The following THRB variants were observed in gnomAD, a reference collection of about 807,000 sequenced individuals.
The protein encoded by THRB is nuclear receptor subfamily 1 group A member 2.
THRB carries 12 observed loss-of-function variants against 47.8 expected under a neutral mutation model. That is an observed-to-expected ratio of 0.25 (90% CI 0.16 to 0.41). THRB has a LOEUF of 0.41. Ranked by LOEUF, THRB falls within the 10% of genes least tolerant of loss-of-function variation. THRB has a pLI of 1.00. For synonymous variants in THRB, 218 were observed against 212.2 expected (o/e 1.03, Z -0.24); for missense variants, 348 against 589.2 (o/e 0.59, Z 4.24).
chr3:24,466,856 C>G (rs936833502), intron 1 of THRB, among the ~76,000 whole-genome samples: 1 of 152,160 alleles, frequency 6.6e-6, no homozygotes, highest in Non-Finnish European at 1.5e-5. Context: ...GCTAACTGAT[C>G]AGGGTGATGG....
intron 1 of THRB, among the ~76,000 whole-genome samples, chr3:24,420,333 TCCA>T (rs2069122400): frequency 6.6e-6 from 1 of 151,952 alleles, no homozygotes; most frequent in African/African-American, 2.4e-5. Flanking sequence ...AGGACACATG[TCCA>T]CGTAGTCCAG....
rs967290220 is a variant in THRB, at chr3:24,271,100, A to T, written c.-43+26126T>A. Among the ~76,000 whole-genome samples the T allele has an allele frequency of 2.6e-5, 4 of 152,302 alleles. No individual in the cohort carries two copies. The East Asian group carries it at 5.8e-4, about 22-fold the overall frequency. ...TTTCTCAGACAAAATTTTTTACTGG[A>T]TATTTTCGTTGAGGATAGAAAGGCA... is the stretch of plus-strand genomic sequence containing the variant. On this transcript the variant is annotated intron_variant, in intron 3 of 10. Transcript: ENST00000646209.
intron 1 of THRB, among the ~76,000 whole-genome samples, chr3:24,419,722 T>C (rs1264444001): frequency 6.6e-6 from 1 of 151,974 alleles, no homozygotes; most frequent in Admixed American, 6.6e-5. Context: ...GTCATATTTA[T>C]ATATCACATC....
chr3:24,133,473 G>A lies in THRB; in HGVS notation c.739-11C>T. On this transcript the variant is annotated splice_polypyrimidine_tract_variant and intron_variant, in intron 8 of 10. Coordinates refer to ENST00000646209, the MANE Select transcript of THRB (RefSeq NM_001354712.2). Reference sequence around the variant, plus strand: ...TCCAATGTCTTCTGGCTAAGGAGGAGAAAAAAGAAAGATTTAAATGAAGAA... The same window carrying A: ...TCCAATGTCTTCTGGCTAAGGAGGAAAAAAAAGAAAGATTTAAATGAAGAA... 3 of 1,613,512 alleles carry A rather than the reference G, an allele frequency of 1.9e-6. No homozygotes were observed. The highest frequency in any genetic ancestry group is 2.5e-6 in the Non-Finnish European group (3 of 1,179,532).
chr3:24,345,028 A>G (rs2149488332), intron 1 of THRB, among the ~76,000 whole-genome samples: 1 of 152,290 alleles, frequency 6.6e-6, no homozygotes, highest in Middle Eastern at 3.4e-3. Context: ...GATGAAGCCA[A>G]GGTTTGCTGA....
At chr3:24,436,282 G>A (rs572368661) in intron 1 of THRB, among the ~76,000 whole-genome samples, 2 of 151,868 alleles carry the variant, frequency 1.3e-5, no homozygotes, top group South Asian at 4.1e-4. Flanking sequence ...GAGTTACAGA[G>A]AGGAAAGCCC....
In THRB at chr3:24,313,009, T is replaced by C. The variant is rs139977318; in HGVS notation, c.-188-15638A>G. Among the ~76,000 whole-genome samples the C allele has an allele frequency of 4.1e-3, 628 of 152,258 alleles. 5 individuals are homozygous for C. The highest frequency in any genetic ancestry group is 6.4e-3 in the Non-Finnish European group (435 of 68,018). On this transcript the variant is annotated intron_variant, in intron 2 of 10. Coordinates refer to ENST00000646209, the MANE Select transcript of THRB (RefSeq NM_001354712.2). ...TGGGAGTGTGCAGACTCAGGATCTATTTTGGAGGCAGAATAGGTAGGAGTT... is the reference window on the plus strand; with the variant it reads ...TGGGAGTGTGCAGACTCAGGATCTACTTTGGAGGCAGAATAGGTAGGAGTT...
chr3:24,495,426 C>G (rs1315332676), upstream of THRB: 3 of 153,452 alleles, frequency 2.0e-5, no homozygotes, highest in African/African-American at 7.2e-5. Context: ...CGACCCCGAC[C>G]CCGAGTCCTA....
intron 1 of THRB, among the ~76,000 whole-genome samples, chr3:24,427,068 C>T (rs1305419671): frequency 6.6e-6 from 1 of 151,926 alleles, no homozygotes; most frequent in East Asian, 1.9e-4. Context: ...TCCTTCCATT[C>T]ATCATTGACA....
chr3:24,409,966 G>A (rs941015128), intron 1 of THRB, among the ~76,000 whole-genome samples: 1 of 151,784 alleles, frequency 6.6e-6, no homozygotes, highest in African/African-American at 2.4e-5. Flanking sequence ...CTTTGATGAG[G>A]TGAGGTAAAT....
intron 5 of THRB, among the ~76,000 whole-genome samples, chr3:24,186,773 C>G (rs1402042819): frequency 6.6e-6 from 1 of 151,946 alleles, no homozygotes. Flanking sequence ...TGGCGAAATC[C>G]TGTCTCTACT....
At chr3:24,211,711 G>C (rs1004732432) in intron 4 of THRB, among the ~76,000 whole-genome samples, 2 of 152,210 alleles carry the variant, frequency 1.3e-5, no homozygotes, top group Non-Finnish European at 2.9e-5. Context: ...CCAAACCAAA[G>C]TGATCCTACC....
intron 10 of THRB, among the ~76,000 whole-genome samples, chr3:24,124,838 C>T (rs987780702): frequency 2.0e-5 from 3 of 152,194 alleles, no homozygotes; most frequent in Admixed American, 6.5e-5. Context: ...GGCCCTGACA[C>T]GCAGCTATCA....
rs2072530894 is a variant in THRB at position 24,450,370 on chromosome 3, T to TA, written c.-261+44281dup. 2.0e-5 allele frequency among the ~76,000 whole-genome samples: 3 copies of TA among 152,332 alleles called. No homozygotes were observed. In the Middle Eastern group the frequency reaches 0.01, roughly 518 times the overall value. On this transcript the variant is annotated intron_variant, in intron 1 of 10. Coordinates refer to ENST00000646209, the MANE Select transcript of THRB (RefSeq NM_001354712.2). ...CATTGGCAACCCTCACAAAAGCTGA[T>TA]ATGCCCTGACGTTTATTTCCTCTGA...
chr3:24,470,209 T>C (rs928841043), intron 1 of THRB, among the ~76,000 whole-genome samples: 4 of 152,208 alleles, frequency 2.6e-5, no homozygotes, highest in Non-Finnish European at 5.9e-5. Flanking sequence ...ACATTACGAA[T>C]ACTCTCTTTG....
chr3:24,473,451 G>C (rs556750050), intron 1 of THRB, among the ~76,000 whole-genome samples: 2 of 152,328 alleles, frequency 1.3e-5, no homozygotes, highest in South Asian at 4.1e-4. Context: ...AGATGCTGTA[G>C]AGGATGTGGA....
chr3:24,486,694 A>G (rs895322774), intron 1 of THRB: 19 of 152,210 alleles, frequency 1.2e-4, no homozygotes, highest in African/African-American at 4.6e-4. Context: ...TGCTTTTCAA[A>G]TCCCTTATAA....
At chr3:24,396,797 G>T (rs541353223) in intron 1 of THRB, among the ~76,000 whole-genome samples, 2 of 152,164 alleles carry the variant, frequency 1.3e-5, no homozygotes, top group South Asian at 4.2e-4. Context: ...GGTTCTTTTC[G>T]TTTAAAATCC....
At chr3:24,357,496 T>C (rs1391066408) in intron 1 of THRB, among the ~76,000 whole-genome samples, 1 of 151,822 alleles carries the variant, frequency 6.6e-6, no homozygotes, top group African/African-American at 2.4e-5. Context: ...TGAGTCTCCA[T>C]AGAGTTTGTG....
Sources: gnomAD v4.1 joint callset for allele counts (sites outside exome capture counted in the v4.1 genomes callset) on GRCh38, gnomAD v4.1.1 for gene constraint, MANE v1.5 for transcripts, NCBI Gene and HGNC (gene_info 2026-07-23, HGNC 2026-07-21) for gene names.